Variants in NPC1L1 observed in about 807,000 individuals in gnomAD.
NPC1L1 encodes NPC1-like intracellular cholesterol transporter 1.
A neutral mutation model predicts 117.0 loss-of-function variants in NPC1L1; 98 were observed. The ratio of observed to expected loss-of-function variants is 0.84; its 90% CI spans 0.71 to 0.99. The LOEUF (loss-of-function observed/expected upper bound fraction) is 0.99. Ranked by LOEUF, NPC1L1 falls within the 50% of genes least tolerant of loss-of-function variation. NPC1L1 has a pLI of 0.00. For synonymous variants in NPC1L1, 729 were observed against 727.6 expected (o/e 1.00, Z -0.03); for missense variants, 1,540 against 1,710.0 (o/e 0.90, Z 1.75).
At chr7:44,519,260 A>C (rs217426) in intron 14 of NPC1L1, among the ~76,000 whole-genome samples, 7,333 of 152,204 alleles carry the variant, frequency 0.048, 273 homozygotes, top group African/African-American at 0.098. Flanking sequence ...CATTTTGGGA[A>C]GTGCTGCTCT....
chr7:44,535,762 G>T, intron 5 of NPC1L1, 78 bp downstream of exon 5: 2 of 1,603,320 alleles, frequency 1.2e-6, no homozygotes, highest in Admixed American at 1.7e-5. Flanking sequence ...GCTGTGGTTA[G>T]GAAAGTTGTA....
At chr7:44,519,453 G>A (rs1801287056) in intron 14 of NPC1L1, among the ~76,000 whole-genome samples, 1 of 152,124 alleles carries the variant, frequency 6.6e-6, no homozygotes, top group African/African-American at 2.4e-5. Flanking sequence ...AGCCTGTTGT[G>A]CTCAGCTACC....
In NPC1L1 at chr7:44,536,703, AG is replaced by A. The variant is rs1156787874; in HGVS notation, c.1681+138del. On this transcript the variant is annotated intron_variant, in intron 3 of 18. Transcript: ENST00000381160. The surrounding 1 kb of genome is among the most constrained non-coding windows in gnomAD (Gnocchi z 4.7). ...AGATGGCAGAGAGAGGAAACAGGAC[AG>A]GGTTGGCCTACAGCTTCCAGAAGCC... 3.6e-5 allele frequency: 28 copies of A among 784,982 alleles called. No homozygotes were observed. The Admixed American group carries it at 5.5e-4, about 15-fold the overall frequency. 48.6% of individuals were successfully genotyped at this position (784,982 alleles called of 1,614,324 possible). A position where few individuals can be genotyped will look rare whatever the true frequency, so the allele number is the denominator to read the frequency against.
intron 10 of NPC1L1, among the ~76,000 whole-genome samples, chr7:44,527,349 C>CG (rs1801549707): frequency 6.8e-6 from 1 of 146,932 alleles, no homozygotes; most frequent in Non-Finnish European, 1.5e-5. Context: ...TCCCAGTACT[C>CG]GGGGGGCTGA....
At chr7:44,517,003 C>G in intron 15 of NPC1L1, 69 bp from the exon 16 acceptor site, 1 of 1,497,528 alleles carries the variant, frequency 6.7e-7, no homozygotes, top group South Asian at 1.2e-5. Flanking sequence ...GGACACCCCA[C>G]TTCAGAAGGA....
chr7:44,515,352 TC>T (rs1235393831), intron 18 of NPC1L1, among the ~76,000 whole-genome samples: 1 of 152,088 alleles, frequency 6.6e-6, no homozygotes, highest in African/African-American at 2.4e-5. Context: ...AGACCCTGTC[TC>T]CAAAAAATAT....
At position 44,538,644 on chromosome 7, in the gene NPC1L1, C is replaced by T. The variant is rs1049208314; in HGVS notation, c.1580+173G>A. ...CAGGAACTCTGACCAAAGGAAATGGCGGCCGGACGAGGGGCAGAGATAATC... is the reference window on the plus strand; with the variant it reads ...CAGGAACTCTGACCAAAGGAAATGGTGGCCGGACGAGGGGCAGAGATAATC... On this transcript the variant is annotated intron_variant, in intron 2 of 18. Transcript: ENST00000381160. The surrounding 1 kb of genome is among the most constrained non-coding windows in gnomAD (Gnocchi z 5.9). 5.9e-5 allele frequency among the ~76,000 whole-genome samples: 9 copies of T among 152,166 alleles called. No homozygotes were observed. Among genetic ancestry groups the T allele is most frequent in the African/African-American group, 1.7e-4 (7 of 41,444 alleles).
chr7:44,518,481 T>C (rs1256163709), intron 14 of NPC1L1: 2 of 230,586 alleles, frequency 8.7e-6, no homozygotes, highest in East Asian at 1.1e-4. Context: ...AAAAAGGTTG[T>C]TTCTTGGCGA....
rs1026615485 is a variant in NPC1L1 at position 44,539,059 on chromosome 7, C to T, written c.1338G>A (p.Glu446=). Residue 446 remains glutamate (E), a synonymous_variant, in exon 2 of 19, where the codon GAG becomes GAA. Coordinates refer to ENST00000381160, the MANE Select transcript of NPC1L1 (RefSeq NM_001101648.2). This position sits in a 1 kb window ranked among gnomAD's most constrained non-coding sequence, Gnocchi z 4.4. ...LDLDLLLELL[E]LQERLRHLQV... ...GGAGGTGCCGCAGCCTCTCCTGCAG[C>T]TCTAGCAGCTCCAGCAGCAAGTCCA... 6.2e-7 allele frequency: 1 copy of T among 1,614,072 alleles called. No homozygotes were observed. Among genetic ancestry groups the T allele is most frequent in the South Asian group, 1.1e-5 (1 of 91,084 alleles).
intron 8 of NPC1L1, 117 bp downstream of exon 8, chr7:44,533,314 G>A: frequency 8.1e-7 from 1 of 1,231,762 alleles, no homozygotes. Flanking sequence ...CTGGCACAAT[G>A]CCCCTGTCCC....
At chr7:44,522,765 A>G (rs1801400716) in intron 10 of NPC1L1, among the ~76,000 whole-genome samples, 1 of 152,228 alleles carries the variant, frequency 6.6e-6, no homozygotes, top group Non-Finnish European at 1.5e-5. Context: ...TCACATGAAC[A>G]CACACTGACA....
chr7:44,527,951 A>G (rs1337091553), intron 10 of NPC1L1, among the ~76,000 whole-genome samples: 2 of 152,068 alleles, frequency 1.3e-5, no homozygotes, highest in African/African-American at 4.8e-5. Context: ...CAGCCTCCCA[A>G]GTAGCTAGGT....
chr7:44,532,800 T>C (rs1801745470), intron 8 of NPC1L1, among the ~76,000 whole-genome samples: 1 of 152,200 alleles, frequency 6.6e-6, no homozygotes. Flanking sequence ...CTAGTAGGAA[T>C]TAAGTTTAGA....
chr7:44,531,919 C>A, intron 9 of NPC1L1, 75 bp from the exon 10 acceptor site: 1 of 1,526,972 alleles, frequency 6.5e-7, no homozygotes, highest in South Asian at 1.2e-5. Flanking sequence ...TTAAGTCAGT[C>A]AGGGTGTCAT....
Position 44,535,837 on chromosome 7 carries a change from C to T in NPC1L1, c.1983+3G>A. The T allele has an allele frequency of 6.2e-7, 1 of 1,612,760 alleles. No homozygotes were observed. The highest frequency in any genetic ancestry group is 8.5e-7 in the Non-Finnish European group (1 of 1,179,928). ...ACTTAGCTGTGTCCCTCCCGCTTCT[C>T]ACCATCACTCGGCTCCAGCTGGAAT... is the stretch of plus-strand genomic sequence containing the variant. On this transcript the variant is annotated splice_donor_region_variant and intron_variant, in intron 5 of 18. Transcript: ENST00000381160.
chr7:44,515,240 G>C (rs1463648537), intron 18 of NPC1L1, among the ~76,000 whole-genome samples: 1 of 151,948 alleles, frequency 6.6e-6, no homozygotes, highest in Non-Finnish European at 1.5e-5. Flanking sequence ...TGTGGTCCCA[G>C]CTACTCGGGA....
At chr7:44,521,206 A>G in intron 12 of NPC1L1, 88 bp from the exon 13 acceptor site, 1 of 1,579,804 alleles carries the variant, frequency 6.3e-7, no homozygotes, top group African/African-American at 1.3e-5. Flanking sequence ...ATCCCATCAA[A>G]GGTCCTGGGC....
rs781219627 is a variant in NPC1L1 at position 44,513,596 on chromosome 7, C to A, written c.3850G>T (p.Val1284Leu). 6 of 1,613,898 alleles carry A rather than the reference C, an allele frequency of 3.7e-6. No individual in the cohort carries two copies. Among genetic ancestry groups the A allele is most frequent in the East Asian group, 4.5e-5 (2 of 44,888 alleles). Residue 1284 changes from valine (V) to leucine (L), a missense_variant, in exon 19 of 19, where the codon GTG becomes TTG. By Grantham distance (32) the Val-to-Leu change is conservative. Coordinates refer to ENST00000381160, the MANE Select transcript of NPC1L1 (RefSeq NM_001101648.2). ...CAAGAGGCCACCATGACTGCTGCCA[C>A]CGCCTCCTCAGCCCGCTTCTGCTCC... ...ALEQKRAEEA[V>L]AAVMVASCPN...
chr7:44,531,937 A>G, intron 9 of NPC1L1, 93 bp from the exon 10 acceptor site: 1 of 1,524,562 alleles, frequency 6.6e-7, no homozygotes, highest in Admixed American at 1.9e-5. Flanking sequence ...CATGGGCAAC[A>G]TTCTGGAGTT....
Sources: gnomAD v4.1 joint callset for allele counts (sites outside exome capture counted in the v4.1 genomes callset) on GRCh38, gnomAD v4.1.1 for gene constraint, Gnocchi (gnomAD v3.1) non-coding constraint, MANE v1.5 for transcripts, NCBI Gene and HGNC (gene_info 2026-07-23, HGNC 2026-07-21) for gene names.